Variants in GDAP1 observed in about 807,000 individuals in gnomAD.
GDAP1 encodes the protein ganglioside induced differentiation associated protein 1, also known as ganglioside-induced differentiation-associated protein 1.
In GDAP1, 34 loss-of-function variants were observed where a neutral mutation model predicts 40.1. The ratio of observed to expected loss-of-function variants is 0.85; its 90% CI spans 0.64 to 1.13. The LOEUF is 1.13. Among genes scored for constraint, GDAP1 ranks in the 50% most tolerant of loss-of-function variants. The probability of loss-of-function intolerance (pLI) is 0.00; values close to 1 mark genes in which losing one functional copy is unlikely to be tolerated. For missense variants in GDAP1, 374 were observed against 433.7 expected (o/e 0.86, Z 1.22); for synonymous variants, 170 against 157.4 (o/e 1.08, Z -0.60).
intron 2 of GDAP1, among the ~76,000 whole-genome samples, chr8:74,424,333 G>A (rs1189290106): frequency 4.6e-5 from 7 of 152,082 alleles, no homozygotes; most frequent in Admixed American, 4.6e-4. Flanking sequence ...AGAACCCATG[G>A]ATATGAAGGG....
chr8:74,449,870 A>AT (rs1297541069), intron 2 of GDAP1, among the ~76,000 whole-genome samples: 1 of 151,858 alleles, frequency 6.6e-6, no homozygotes, highest in Non-Finnish European at 1.5e-5. Context: ...ATTTTAAATA[A>AT]TAAATGAGTG....
intron 2 of GDAP1, 81 bp from the exon 3 acceptor site, chr8:74,360,056 T>A: frequency 1.1e-6 from 1 of 922,102 alleles, no homozygotes; most frequent in Admixed American, 1.8e-5. Context: ...TAATGATGAG[T>A]GGATAGTGTT....
intron 2 of GDAP1, among the ~76,000 whole-genome samples, chr8:74,352,452 G>A (rs1032840323): frequency 6.6e-6 from 1 of 152,228 alleles, no homozygotes; most frequent in African/African-American, 2.4e-5. Flanking sequence ...CAAACTACAG[G>A]AAGCTGACAA....
chr8:74,428,598 C>A (rs1159852081), intron 2 of GDAP1, among the ~76,000 whole-genome samples: 1 of 137,616 alleles, frequency 7.3e-6, no homozygotes, highest in Non-Finnish European at 1.5e-5. Flanking sequence ...TCCTGAGTAG[C>A]TGGGACTACG....
intron 2 of GDAP1, among the ~76,000 whole-genome samples, chr8:74,374,788 C>T (rs73347224): frequency 3.2e-4 from 49 of 151,798 alleles, no homozygotes; most frequent in African/African-American, 1.2e-3. Context: ...TCAAAAGTGA[C>T]CCAATAAGAA....
intron 2 of GDAP1, among the ~76,000 whole-genome samples, chr8:74,401,153 A>T (rs1474616763): frequency 6.7e-6 from 1 of 149,104 alleles, no homozygotes; most frequent in Admixed American, 6.6e-5. Context: ...AGTGTTTTCC[A>T]ACTTGGTTCC....
chr8:74,353,984 G>C (rs1202345754), intron 2 of GDAP1, among the ~76,000 whole-genome samples: 2 of 152,084 alleles, frequency 1.3e-5, no homozygotes, highest in Admixed American at 6.5e-5. Flanking sequence ...TATGTGCCAG[G>C]CATGGTTCTA....
chr8:74,356,956 C>G (rs1354318243), intron 2 of GDAP1, among the ~76,000 whole-genome samples: 2 of 152,118 alleles, frequency 1.3e-5, no homozygotes, highest in African/African-American at 4.8e-5. Flanking sequence ...ACCTCGTGAT[C>G]TGCCTGCCTT....
At chr8:74,360,999 TTTA>T (rs1217184507) in intron 3 of GDAP1, among the ~76,000 whole-genome samples, 1 of 152,158 alleles carries the variant, frequency 6.6e-6, no homozygotes, top group African/African-American at 2.4e-5. Flanking sequence ...GATACTCACC[TTTA>T]TTATTCTTAT....
intron 2 of GDAP1, among the ~76,000 whole-genome samples, chr8:74,440,235 A>G (rs747289984): frequency 1.3e-5 from 2 of 152,182 alleles, no homozygotes; most frequent in African/African-American, 4.8e-5. Flanking sequence ...ATTGGTCACT[A>G]AGTCTGGAGG....
chr8:74,370,523 T>A (rs1021601028), downstream of GDAP1, among the ~76,000 whole-genome samples: 5 of 151,998 alleles, frequency 3.3e-5, no homozygotes, highest in Admixed American at 2.6e-4. Context: ...CACTAAAATT[T>A]AAAAAATCCC....
At position 74,350,521 on chromosome 8, in the gene GDAP1, C is replaced by A. The variant is rs745489659; in HGVS notation, c.60C>A (p.Ala20=). 1.2e-6 allele frequency: 2 copies of A among 1,613,766 alleles called. No homozygotes were observed. The highest frequency in any genetic ancestry group is 1.7e-6 in the Non-Finnish European group (2 of 1,179,656). ...GSPPLRAEGK[A]DAEVKLILYH... is the part of the protein sequence containing the mutation. The stretch of plus-strand genomic sequence containing the variant: ...CGCCCTTGAGGGCGGAAGGCAAGGC[C>A]GACGCGGAGGTTAAGCTCATTCTGT... The change falls in exon 1 of 6, where the codon GCC becomes GCA. Residue 20 remains alanine, a synonymous_variant. Coordinates refer to ENST00000220822, the MANE Select transcript of GDAP1 (RefSeq NM_018972.4).
intron 2 of GDAP1, among the ~76,000 whole-genome samples, chr8:74,477,625 G>T (rs1359029989): frequency 6.6e-6 from 1 of 152,136 alleles, no homozygotes; most frequent in African/African-American, 2.4e-5. Flanking sequence ...GACTGGCTTT[G>T]TTCTCTGGCT....
rs1402074550 is a variant in GDAP1, at chr8:74,364,387, T to G, written c.*20T>G. The G allele has an allele frequency of 2.5e-6, 4 of 1,608,702 alleles. No homozygotes were observed. Among genetic ancestry groups the G allele is most frequent in the Non-Finnish European group, 3.4e-6 (4 of 1,179,286 alleles). ...TTCTAGGTTTGTTGGGATCTTGTCG[T>G]GGCAGCTCATCCAAGCATTTAGCTA... On this transcript the variant is annotated 3_prime_UTR_variant, in exon 6 of 6. Transcript: ENST00000220822.
intron 2 of GDAP1, among the ~76,000 whole-genome samples, chr8:74,476,748 T>C (rs550399641): frequency 2.0e-5 from 3 of 152,352 alleles, no homozygotes; most frequent in African/African-American, 4.8e-5. Context: ...GAGAGTCTGA[T>C]GATTATATGT....
chr8:74,379,212 C>T (rs1325031562), intron 2 of GDAP1, among the ~76,000 whole-genome samples: 1 of 149,664 alleles, frequency 6.7e-6, no homozygotes, highest in East Asian at 2.0e-4. Flanking sequence ...ATTTGGAACC[C>T]TCATATGAAT....
intron 2 of GDAP1, among the ~76,000 whole-genome samples, chr8:74,393,124 G>A (rs1053854997): frequency 1.3e-5 from 2 of 152,064 alleles, no homozygotes; most frequent in Non-Finnish European, 2.9e-5. Flanking sequence ...TGCATCATAT[G>A]GGGTAATATT....
chr8:74,364,274 G>T lies in GDAP1; in HGVS notation c.984G>T (p.Leu328Phe). The change falls in exon 6 of 6, where the codon TTG (leucine) becomes TTT (phenylalanine). Residue 328 changes from leucine (L) to phenylalanine (F), a missense_variant. Physicochemically the swap from Leu to Phe is conservative, Grantham distance 22 (BLOSUM62 0). Transcript: ENST00000220822. ...TTGGCACGACCCTTGTGGTTGGTTT[G>T]CTTGCAGGAGTGGGATATTTTGCTT... ...KVLGTTLVVGLLAGVGYFAFM... is the reference protein window; with the variant it reads ...KVLGTTLVVGFLAGVGYFAFM... 6.2e-7 allele frequency: 1 copy of T among 1,614,206 alleles called. No homozygotes were observed. Among genetic ancestry groups the T allele is most frequent in the African/African-American group, 1.3e-5 (1 of 75,060 alleles).
At chr8:74,423,647 C>T (rs775884788) in intron 2 of GDAP1, among the ~76,000 whole-genome samples, 10 of 151,898 alleles carry the variant, frequency 6.6e-5, no homozygotes, top group Non-Finnish European at 4.4e-5. Flanking sequence ...GGGGTATCCT[C>T]AGTAAAACAG....
Sources: allele counts gnomAD v4.1 joint callset (sites outside exome capture counted in the v4.1 genomes callset), GRCh38; gene constraint gnomAD v4.1.1; transcripts MANE v1.5; gene names NCBI Gene and HGNC (gene_info 2026-07-23, HGNC 2026-07-21).